CCDC7: variants seen among roughly 807,000 people sequenced by gnomAD.
CCDC7 encodes coiled-coil domain-containing protein 7.
CCDC7 carries 183 observed loss-of-function variants against 196.9 expected under a neutral mutation model. That is an observed-to-expected ratio of 0.93 (90% CI 0.82 to 1.05). The LOEUF (loss-of-function observed/expected upper bound fraction) is 1.05, where lower values mean the gene tolerates loss of function less well. Among genes scored for constraint, CCDC7 ranks in the 50% least tolerant of loss-of-function variants. The pLI, the probability that CCDC7 is intolerant of heterozygous loss-of-function variation, is 0.00. For synonymous variants in CCDC7, 525 were observed against 484.6 expected (o/e 1.08, Z -1.10); for missense variants, 1,540 against 1,482.2 (o/e 1.04, Z -0.64).
intron 26 of CCDC7, among the ~76,000 whole-genome samples, chr10:32,728,213 G>A (rs1371701142): frequency 6.6e-6 from 1 of 152,120 alleles, no homozygotes; most frequent in African/African-American, 2.4e-5. Context: ...AGTACATAAT[G>A]TTCTAAGGTG....
At chr10:32,529,002 A>G (rs972462954) in intron 11 of CCDC7, among the ~76,000 whole-genome samples, 1 of 151,410 alleles carries the variant, frequency 6.6e-6, no homozygotes, top group African/African-American at 2.4e-5. Flanking sequence ...CTTGTAGTTT[A>G]TTTTTATTTT....
rs1489940760 is a variant in CCDC7 at position 32,854,385 on chromosome 10, T to A, written c.4022-15T>A. ...TTTACCACATAATTTAATAACACTGTTCTCATTTTTTTAGGGCATTCGAAA... is the reference window on the plus strand; with the variant it reads ...TTTACCACATAATTTAATAACACTGATCTCATTTTTTTAGGGCATTCGAAA... On this transcript the variant is annotated splice_polypyrimidine_tract_variant and intron_variant, in intron 40 of 41. Coordinates refer to ENST00000639629, the Ensembl canonical transcript of CCDC7. The A allele has an allele frequency of 1.4e-6, 2 of 1,458,262 alleles. No homozygotes were observed. The allele number at this position is 1,458,262 out of a possible 1,614,324, so 90.3% of individuals were successfully genotyped here. A position where few individuals can be genotyped will look rare whatever the true frequency, so the allele number is the denominator to read the frequency against.
chr10:32,794,232 A>G (rs1193793103), intron 29 of CCDC7, among the ~76,000 whole-genome samples: 3 of 152,094 alleles, frequency 2.0e-5, no homozygotes, highest in Admixed American at 6.5e-5. Flanking sequence ...AGTTGCATCT[A>G]TGTTGCTGCA....
intron 30 of CCDC7, among the ~76,000 whole-genome samples, chr10:32,807,484 A>G (rs1889827): frequency 0.34 from 52,084 of 151,916 alleles, 11,318 homozygotes; most frequent in Non-Finnish European, 0.49. Context: ...AAATTTGGGA[A>G]TTGATAATCA....
At chr10:32,505,317 G>C (rs970595189) in intron 9 of CCDC7, among the ~76,000 whole-genome samples, 10 of 152,050 alleles carry the variant, frequency 6.6e-5, no homozygotes, top group Non-Finnish European at 1.2e-4. Flanking sequence ...GGTTTTCCTA[G>C]GCAGAGGTCC....
At chr10:32,680,642 A>C (rs969702404) in intron 21 of CCDC7, among the ~76,000 whole-genome samples, 11 of 152,076 alleles carry the variant, frequency 7.2e-5, no homozygotes, top group African/African-American at 1.4e-4. Flanking sequence ...ATCTGGGTAA[A>C]GGTCCTCTTG....
downstream of CCDC7, among the ~76,000 whole-genome samples, chr10:32,877,874 C>T (rs2094644385): frequency 6.6e-6 from 1 of 152,040 alleles, no homozygotes; most frequent in South Asian, 2.1e-4. Context: ...AGTTGAGAAC[C>T]ATGGAGCTTA....
chr10:32,759,458 A>C (rs545981259), intron 28 of CCDC7, among the ~76,000 whole-genome samples: 1 of 152,186 alleles, frequency 6.6e-6, no homozygotes, highest in Admixed American at 6.5e-5. Context: ...CAACTATCTG[A>C]TCTTTGACAA....
At chr10:32,528,161 C>G (rs1437152312) in intron 11 of CCDC7, among the ~76,000 whole-genome samples, 1 of 152,126 alleles carries the variant, frequency 6.6e-6, no homozygotes, top group Non-Finnish European at 1.5e-5. Flanking sequence ...AATATAATGG[C>G]CTCCAGTTTC....
intron 20 of CCDC7, among the ~76,000 whole-genome samples, chr10:32,650,402 A>G (rs2068530520): frequency 6.6e-6 from 1 of 152,230 alleles, no homozygotes; most frequent in Non-Finnish European, 1.5e-5. Context: ...GTGTTCTGCC[A>G]TGTGAGGAGA....
chr10:32,858,608 C>T (rs2093849941), intron 41 of CCDC7, among the ~76,000 whole-genome samples: 1 of 151,976 alleles, frequency 6.6e-6, no homozygotes, highest in Admixed American at 6.6e-5. Context: ...AAAGAAAAAG[C>T]GTTTGACAAA....
At position 32,726,753 on chromosome 10, in the gene CCDC7, GT is replaced by G. The variant is rs759775679; in HGVS notation, c.2592del (p.Phe864LeufsTer18). ...TTGTAGTACCAGATAAAAATTCTATGTTTGTTCATCAAGATTCAGTGTCAAA... is the reference window on the plus strand; with the variant it reads ...TTGTAGTACCAGATAAAAATTCTATGTTGTTCATCAAGATTCAGTGTCAAA... On this transcript the variant is annotated frameshift_variant, in exon 26 of 42. Transcript: ENST00000639629. LOFTEE classifies it high-confidence loss of function. The G allele has an allele frequency of 6.3e-7, 1 of 1,596,182 alleles. No individual in the cohort carries two copies. The highest frequency in any genetic ancestry group is 1.1e-5 in the South Asian group (1 of 89,512).
At chr10:32,547,528 A>G (rs2052672960) in intron 13 of CCDC7, among the ~76,000 whole-genome samples, 1 of 152,164 alleles carries the variant, frequency 6.6e-6, no homozygotes, top group African/African-American at 2.4e-5. Flanking sequence ...TATATATAAC[A>G]TGACCCTAAG....
At chr10:32,523,288 G>A (rs1304303557) in intron 11 of CCDC7, among the ~76,000 whole-genome samples, 1 of 152,148 alleles carries the variant, frequency 6.6e-6, no homozygotes, top group Non-Finnish European at 1.5e-5. Context: ...GCTCACGCCT[G>A]TAATCCTAGC....
intron 20 of CCDC7, among the ~76,000 whole-genome samples, chr10:32,657,232 G>A (rs2070146088): frequency 6.6e-6 from 1 of 152,194 alleles, no homozygotes; most frequent in Admixed American, 6.5e-5. Context: ...GAGGACAGTG[G>A]CCCTCTTCTC....
At chr10:32,703,965 C>T (rs1254700928) in intron 24 of CCDC7, among the ~76,000 whole-genome samples, 1 of 152,102 alleles carries the variant, frequency 6.6e-6, no homozygotes, top group East Asian at 1.9e-4. Flanking sequence ...TTAGAACTTC[C>T]TCCTTTAGCT....
intron 28 of CCDC7, among the ~76,000 whole-genome samples, chr10:32,732,406 C>T (rs984142893): frequency 2.0e-5 from 3 of 152,014 alleles, no homozygotes; most frequent in African/African-American, 7.2e-5. Context: ...CATGTATGTG[C>T]GTATATTCAT....
At chr10:32,610,136 G>A (rs1408357036) in intron 18 of CCDC7, among the ~76,000 whole-genome samples, 1 of 151,840 alleles carries the variant, frequency 6.6e-6, no homozygotes, top group African/African-American at 2.4e-5. Context: ...ACGGAGTCTT[G>A]CTCTGTCACC....
chr10:32,579,228 T>C (rs2058513198), intron 16 of CCDC7, among the ~76,000 whole-genome samples: 1 of 152,144 alleles, frequency 6.6e-6, no homozygotes, highest in Non-Finnish European at 1.5e-5. Context: ...TGTCAAGTAC[T>C]AGTTTTTGTT....
Sources: allele counts gnomAD v4.1 joint callset (sites outside exome capture counted in the v4.1 genomes callset), GRCh38; gene constraint gnomAD v4.1.1; transcripts MANE v1.5; gene names NCBI Gene and HGNC (gene_info 2026-07-23, HGNC 2026-07-21).